The following DPY19L1 variants were observed in gnomAD, a reference collection of about 807,000 sequenced individuals.
The protein encoded by DPY19L1 is protein C-mannosyl-transferase DPY19L1.
A neutral mutation model predicts 96.9 loss-of-function variants in DPY19L1; 35 were observed. The ratio of observed to expected loss-of-function variants is 0.36; its 90% confidence interval spans 0.28 to 0.48. DPY19L1 has a LOEUF of 0.48. Among genes scored for constraint, DPY19L1 ranks in the 20% least tolerant of loss-of-function variants. The pLI is 0.99. For missense variants in DPY19L1, 521 were observed against 777.9 expected (o/e 0.67, Z 3.93); for synonymous variants, 205 against 252.6 (o/e 0.81, Z 1.79).
chr7:34,935,498 G>A (rs2128780110), intron 21 of DPY19L1, among the ~76,000 whole-genome samples: 1 of 152,256 alleles, frequency 6.6e-6, no homozygotes, highest in South Asian at 2.1e-4. Context: ...TAAACACAGT[G>A]TCAAATATTT....
Position 34,992,102 on chromosome 7 carries a change from A to T in DPY19L1, c.765-2161T>A, listed in dbSNP as rs560842151. ...GCCCGGAAGCACTGCAGCAGTCCAC[A>T]CTCTTGTCACAGAGTATGCAGGAGG... is the stretch of plus-strand genomic sequence containing the variant. On this transcript the variant is annotated intron_variant, in intron 6 of 21. Transcript: ENST00000638088. 5.9e-5 allele frequency among the ~76,000 whole-genome samples: 9 copies of T among 152,114 alleles called. No homozygotes were observed. The South Asian group carries it at 1.0e-3, about 18-fold the overall frequency.
At chr7:35,031,453 C>T (rs1422303684) in intron 1 of DPY19L1, among the ~76,000 whole-genome samples, 3 of 152,052 alleles carry the variant, frequency 2.0e-5, no homozygotes, top group African/African-American at 7.2e-5. Flanking sequence ...TGAACCAATC[C>T]CTCGGGGTTA....
At chr7:34,986,110 C>G (rs1362984346) in intron 7 of DPY19L1, among the ~76,000 whole-genome samples, 1 of 151,928 alleles carries the variant, frequency 6.6e-6, no homozygotes, top group Non-Finnish European at 1.5e-5. Flanking sequence ...AAGAGTCAAT[C>G]TCACAGAAAC....
chr7:35,020,011 T>C (rs373228198), intron 1 of DPY19L1, among the ~76,000 whole-genome samples: 2 of 152,082 alleles, frequency 1.3e-5, no homozygotes, highest in East Asian at 1.9e-4. Flanking sequence ...ACGAGCCTAT[T>C]GTCCCAGCTA....
chr7:34,956,660 T>A (rs1445592730), intron 11 of DPY19L1, among the ~76,000 whole-genome samples: 1 of 151,920 alleles, frequency 6.6e-6, no homozygotes, highest in South Asian at 2.1e-4. Context: ...CCCGCCACCA[T>A]GCCCGGCTAA....
Position 35,010,363 on chromosome 7 carries a change from G to A in DPY19L1, c.764+105C>T, listed in dbSNP as rs1321970883. ...ATTTTATGATAATAAGATATTTTAG[G>A]ATATTTTCATAAAACTGAACTATAA... On this transcript the variant is annotated intron_variant, in intron 6 of 21. Transcript: ENST00000638088. 6 of 672,420 alleles carry A rather than the reference G, an allele frequency of 8.9e-6. No individual in the cohort carries two copies. In the African/African-American group the frequency reaches 9.2e-5, roughly 10 times the overall value. The allele number at this position is 672,420 out of a possible 1,614,324, so 41.7% of individuals were successfully genotyped here.
Position 34,969,518 on chromosome 7 carries a change from T to C in DPY19L1, c.929A>G (p.Tyr310Cys). The change falls in exon 9 of 22, where the codon TAT (tyrosine) becomes TGT (cysteine). Residue 310 changes from tyrosine (Y) to cysteine (C), a missense_variant. Physicochemically the swap from Tyr to Cys is radical, Grantham distance 194. Coordinates refer to ENST00000638088, the MANE Select transcript of DPY19L1 (RefSeq NM_001366673.1). ...VTHILRATKL[Y>C]RGSLIALCIS... ...GCAGAGTGCAATCAAGCTTCCTCTA[T>C]AAAGTTTTGTAGCCCTTGAAAAGAT... 1 of 1,558,716 alleles carries C rather than the reference T, an allele frequency of 6.4e-7. No homozygotes were observed. Among genetic ancestry groups the C allele is most frequent in the Non-Finnish European group, 8.7e-7 (1 of 1,155,932 alleles).
chr7:34,992,994 C>T (rs11771604), intron 6 of DPY19L1, among the ~76,000 whole-genome samples: 7 of 152,110 alleles, frequency 4.6e-5, no homozygotes, highest in Non-Finnish European at 8.8e-5. Flanking sequence ...CTTTGGAGTT[C>T]GTGTTCCTGA....
At chr7:35,030,796 T>G (rs1045320455) in intron 1 of DPY19L1, among the ~76,000 whole-genome samples, 1 of 152,214 alleles carries the variant, frequency 6.6e-6, no homozygotes. Context: ...TGTATTTATA[T>G]TCAGTGATTC....
At chr7:34,981,448 G>A (rs1005361440) in intron 7 of DPY19L1, among the ~76,000 whole-genome samples, 2 of 152,054 alleles carry the variant, frequency 1.3e-5, no homozygotes, top group African/African-American at 4.8e-5. Flanking sequence ...GGGGGAAGAG[G>A]ATATTCAAGT....
intron 1 of DPY19L1, among the ~76,000 whole-genome samples, chr7:35,027,633 C>T (rs1584264048): frequency 7.1e-6 from 1 of 139,864 alleles, no homozygotes; most frequent in East Asian, 2.1e-4. Flanking sequence ...GGTTCGAAAC[C>T]ATCCCCGGCC....
rs545343313 is a variant in DPY19L1, at chr7:34,966,284, G to A, written c.1092+610C>T. ...TATTCCACATGCCTTGACAGTTGAC[G>A]CTCAGTTAATGAACTTTTTTTCTTT... On this transcript the variant is annotated intron_variant, in intron 10 of 21. Coordinates refer to ENST00000638088, the MANE Select transcript of DPY19L1 (RefSeq NM_001366673.1). 9.7e-4 allele frequency among the ~76,000 whole-genome samples: 147 copies of A among 152,064 alleles called. 4 individuals are homozygous for A. The South Asian group carries it at 0.029, about 30-fold the overall frequency.
intron 13 of DPY19L1, 123 bp from the exon 14 acceptor site, chr7:34,950,021 G>C: frequency 2.0e-6 from 1 of 505,280 alleles, no homozygotes; most frequent in East Asian, 3.9e-5. Flanking sequence ...CACCAAGCCT[G>C]CTTTTGTTAA....
rs1783906706 is a variant in DPY19L1, at chr7:34,937,934, T to C, written c.2090+60A>G. The C allele has an allele frequency of 3.8e-6, 6 of 1,563,780 alleles. No individual in the cohort carries two copies. In the East Asian group the frequency reaches 1.1e-4, roughly 29 times the overall value. The stretch of plus-strand genomic sequence containing the variant: ...CCCGCCACCAGCAAAGCATGTGCCA[T>C]GTGCTTGAATTAACCTTCATGTCTT... On this transcript the variant is annotated intron_variant, in intron 21 of 21. Coordinates refer to ENST00000638088, the MANE Select transcript of DPY19L1 (RefSeq NM_001366673.1).
chr7:34,997,609 C>CAAAA lies in DPY19L1; in HGVS notation c.765-7672_765-7669dup, dbSNP rs3048611. On this transcript the variant is annotated intron_variant, in intron 6 of 21. Coordinates refer to ENST00000638088, the MANE Select transcript of DPY19L1 (RefSeq NM_001366673.1). The stretch of plus-strand genomic sequence containing the variant: ...TGGGCAACTGAGCGAGACTCCGTCT[C>CAAAA]AAAAAAAAAAAAAAAAAAAAAAAAG... 7.5e-3 allele frequency among the ~76,000 whole-genome samples: 567 copies of CAAAA among 75,520 alleles called. 31 individuals are homozygous for CAAAA. The highest frequency in any genetic ancestry group is 0.01 in the East Asian group (27 of 2,580). The allele number at this position is 75,520 out of a possible 152,430, so 49.5% of individuals were successfully genotyped here. A position where few individuals can be genotyped will look rare whatever the true frequency, so the allele number is the denominator to read the frequency against.
At chr7:35,005,798 G>A (rs1785540472) in intron 6 of DPY19L1, among the ~76,000 whole-genome samples, 2 of 144,618 alleles carry the variant, frequency 1.4e-5, no homozygotes, top group African/African-American at 5.1e-5. Flanking sequence ...GCAACAGAGT[G>A]AGATTTCGTC....
chr7:35,008,712 A>T (rs114479244), intron 6 of DPY19L1, among the ~76,000 whole-genome samples: 3,919 of 151,668 alleles, frequency 0.026, 167 homozygotes, highest in African/African-American at 0.089. Context: ...ATATTTTTTT[A>T]AAAAAAGGGT....
chr7:35,000,534 C>G (rs1562822055), intron 6 of DPY19L1: 1 of 152,074 alleles, frequency 6.6e-6, no homozygotes, highest in Non-Finnish European at 1.5e-5. Context: ...ACTGAGGAAA[C>G]TATTAGAATA....
intron 19 of DPY19L1, 47 bp downstream of exon 19, chr7:34,940,106 A>G: frequency 7.0e-7 from 1 of 1,435,068 alleles, no homozygotes; most frequent in South Asian, 1.5e-5. Context: ...AATTGTGGGA[A>G]AAACAGCTAA....
Sources: gnomAD v4.1 joint callset for allele counts (sites outside exome capture counted in the v4.1 genomes callset) on GRCh38, gnomAD v4.1.1 for gene constraint, MANE v1.5 for transcripts, NCBI Gene and HGNC (gene_info 2026-07-23, HGNC 2026-07-21) for gene names.